The following BACH2 variants were observed in gnomAD, a reference collection of about 807,000 sequenced individuals.
BACH2 encodes transcription regulator protein BACH2.
BACH2 carries 5 observed loss-of-function variants against 61.8 expected under a neutral mutation model. That is an observed-to-expected ratio of 0.08 (90% CI 0.04 to 0.17). BACH2 has a LOEUF of 0.17. BACH2 is among the 10% of genes least tolerant of loss of function. The pLI is 1.00. For synonymous variants in BACH2, 446 were observed against 440.1 expected (o/e 1.01, Z -0.17); for missense variants, 824 against 1,091.1 (o/e 0.76, Z 3.45).
chr6:90,169,304 T>C (rs1273564263), intron 4 of BACH2, among the ~76,000 whole-genome samples: 1 of 152,214 alleles, frequency 6.6e-6, no homozygotes, highest in Non-Finnish European at 1.5e-5. Flanking sequence ...GTCTCCCCAA[T>C]TTTTTACTGT....
chr6:90,097,709 T>C (rs1782437096), intron 4 of BACH2, among the ~76,000 whole-genome samples: 1 of 152,238 alleles, frequency 6.6e-6, no homozygotes, highest in South Asian at 2.1e-4. Context: ...CATTTTTAAG[T>C]ATACGGTTCA....
chr6:90,171,448 A>C (rs1228582369), intron 4 of BACH2, among the ~76,000 whole-genome samples: 3 of 152,038 alleles, frequency 2.0e-5, no homozygotes, highest in Non-Finnish European at 4.4e-5. Context: ...CCACAAAAAA[A>C]CAAAAACAAA....
intron 4 of BACH2, among the ~76,000 whole-genome samples, chr6:90,204,929 T>C (rs138818608): frequency 6.6e-6 from 1 of 152,300 alleles, no homozygotes; most frequent in African/African-American, 2.4e-5. Flanking sequence ...TCTCTTTGGC[T>C]CAGCTCAGCC....
At chr6:89,969,768 T>A (rs985291553) in intron 6 of BACH2, among the ~76,000 whole-genome samples, 14 of 152,246 alleles carry the variant, frequency 9.2e-5, no homozygotes, top group Admixed American at 2.6e-4. Flanking sequence ...GGGAAGAGGC[T>A]GACAGTGCTC....
chr6:90,242,109 G>A (rs559317564), intron 3 of BACH2, among the ~76,000 whole-genome samples: 65 of 152,266 alleles, frequency 4.3e-4, no homozygotes, highest in African/African-American at 1.6e-3. Context: ...AGTCATAACA[G>A]TCAATATAGT....
intron 5 of BACH2, among the ~76,000 whole-genome samples, chr6:90,034,965 A>G (rs1224036368): frequency 6.6e-6 from 1 of 152,174 alleles, no homozygotes; most frequent in African/African-American, 2.4e-5. Flanking sequence ...AAAATATGCA[A>G]ACATAGAAAC....
At position 89,932,835 on chromosome 6, in the gene BACH2, C is replaced by T. The variant is rs1395389727; in HGVS notation, c.2099G>A (p.Gly700Glu). The T allele has an allele frequency of 6.2e-7, 1 of 1,610,268 alleles. No homozygotes were observed. The highest frequency in any genetic ancestry group is 1.3e-5 in the African/African-American group (1 of 74,974). ...SERNQLKACM[G>E]ELLDNFSCLS... ...GCAGGAGAAGTTGTCCAACAGTTCC[C>T]CCATGCATGCTTTCAGTTGATTCCT... Residue 700 changes from glycine (G) to glutamate (E), a missense_variant, in exon 9 of 9, where the codon GGG becomes GAG. By Grantham distance (98) the Gly-to-Glu change is moderately conservative. Transcript: ENST00000257749.
intron 4 of BACH2, among the ~76,000 whole-genome samples, chr6:90,095,536 C>G (rs185589930): frequency 8.8e-4 from 134 of 152,244 alleles, no homozygotes; most frequent in African/African-American, 3.0e-3. Flanking sequence ...ATTTGACATT[C>G]AAGGTGTTTA....
At chr6:90,193,354 T>G (rs1768642658) in intron 4 of BACH2, among the ~76,000 whole-genome samples, 1 of 152,034 alleles carries the variant, frequency 6.6e-6, no homozygotes, top group South Asian at 2.1e-4. Flanking sequence ...AAGGGAAAAT[T>G]TGGATACACA....
chr6:89,995,818 C>T (rs968748718), intron 6 of BACH2, among the ~76,000 whole-genome samples: 2 of 152,052 alleles, frequency 1.3e-5, no homozygotes, highest in African/African-American at 2.4e-5. Context: ...TTGATGCTCG[C>T]GATATCACTT....
intron 4 of BACH2, among the ~76,000 whole-genome samples, chr6:90,129,972 C>A (rs1055250727): frequency 6.6e-6 from 1 of 152,088 alleles, no homozygotes; most frequent in African/African-American, 2.4e-5. Context: ...AGGGTTCAAG[C>A]AATTCCCCTG....
chr6:89,996,967 T>G (rs1472837566), intron 6 of BACH2, among the ~76,000 whole-genome samples: 1 of 151,820 alleles, frequency 6.6e-6, no homozygotes, highest in Non-Finnish European at 1.5e-5. Context: ...TTAAGGATTT[T>G]GTCTTATTAA....
Position 90,058,206 on chromosome 6 carries a change from C to T in BACH2, c.-13+30755G>A, listed in dbSNP as rs199630547. On this transcript the variant is annotated intron_variant, in intron 5 of 8. Coordinates refer to ENST00000257749, the MANE Select transcript of BACH2 (RefSeq NM_021813.4). ...TTGTCCCTCTTTGCAGATGACATGA[C>T]TGTATATCTAGAAAACCCCACTGTC... Among the ~76,000 whole-genome samples, 338 of 152,238 alleles carry T rather than the reference C, an allele frequency of 2.2e-3. 1 individual carries two copies. The highest frequency in any genetic ancestry group is 2.7e-3 in the Non-Finnish European group (185 of 68,008).
chr6:89,938,644 G>C (rs901737275), intron 7 of BACH2, among the ~76,000 whole-genome samples: 2 of 152,148 alleles, frequency 1.3e-5, no homozygotes, highest in African/African-American at 4.8e-5. Context: ...TAGCACTTTT[G>C]TAAGAAAGAT....
chr6:90,112,226 ATTTT>A (rs1462611727), intron 4 of BACH2, among the ~76,000 whole-genome samples: 2 of 152,032 alleles, frequency 1.3e-5, no homozygotes, highest in African/African-American at 4.8e-5. Flanking sequence ...TTATTTATTT[ATTTT>A]TTTGAGAGAA....
chr6:89,970,494 T>C (rs538792581), intron 6 of BACH2, among the ~76,000 whole-genome samples: 1 of 152,356 alleles, frequency 6.6e-6, no homozygotes, highest in African/African-American at 2.4e-5. Flanking sequence ...TATACATGCA[T>C]TTGTATATCT....
At chr6:90,048,767 T>C (rs770513091) in intron 5 of BACH2, among the ~76,000 whole-genome samples, 4 of 152,338 alleles carry the variant, frequency 2.6e-5, no homozygotes, top group Non-Finnish European at 5.9e-5. Context: ...TCTTGAAACC[T>C]TGGCACTCTG....
intron 4 of BACH2, among the ~76,000 whole-genome samples, chr6:90,110,389 A>G (rs1005813349): frequency 6.6e-6 from 1 of 152,210 alleles, no homozygotes; most frequent in South Asian, 2.1e-4. Flanking sequence ...TCACCTGTGC[A>G]TAATTTTATA....
intron 6 of BACH2, among the ~76,000 whole-genome samples, chr6:89,954,696 C>T (rs1295190962): frequency 2.6e-5 from 4 of 151,848 alleles, no homozygotes; most frequent in African/African-American, 4.8e-5. Context: ...AAAGCATCTC[C>T]GCTCAGGGAC....
Sources: allele counts gnomAD v4.1 joint callset (sites outside exome capture counted in the v4.1 genomes callset), GRCh38; gene constraint gnomAD v4.1.1; transcripts MANE v1.5; gene names NCBI Gene and HGNC (gene_info 2026-07-23, HGNC 2026-07-21).